Variants in ANAPC4 observed in about 807,000 individuals in gnomAD.
ANAPC4 encodes the protein anaphase-promoting complex subunit 4.
A neutral mutation model predicts 119.8 loss-of-function variants in ANAPC4; 63 were observed. That is an observed-to-expected ratio of 0.53 (90% CI 0.43 to 0.65). The LOEUF (loss-of-function observed/expected upper bound fraction) is 0.65, where lower values mean the gene tolerates loss of function less well. ANAPC4 is among the 30% of genes least tolerant of loss of function. The pLI is 0.00. For synonymous variants in ANAPC4, 283 were observed against 318.6 expected (o/e 0.89, Z 1.19); for missense variants, 716 against 945.1 (o/e 0.76, Z 3.18).
At chr4:25,381,670 T>C (rs1297091256) in intron 3 of ANAPC4, among the ~76,000 whole-genome samples, 2 of 151,808 alleles carry the variant, frequency 1.3e-5, no homozygotes, top group Non-Finnish European at 2.9e-5. Context: ...ATTCCCTAGG[T>C]GGGGCATGGT....
Position 25,380,472 on chromosome 4 carries a change from T to C in ANAPC4, c.228T>C (p.Asp76=). The change falls in exon 3 of 29, where the codon GAT becomes GAC. Residue 76 remains aspartate (D), a synonymous_variant. Coordinates refer to ENST00000315368, the MANE Select transcript of ANAPC4 (RefSeq NM_013367.3). ...KEVTCLAWRP[D]GKLLAFALAD... ...TGACGTGTCTGGCATGGAGACCAGA[T>C]GGCAAACGTAATGATAATATTACAA... 1 of 1,606,150 alleles carries C rather than the reference T, an allele frequency of 6.2e-7. No homozygotes were observed. Among genetic ancestry groups the C allele is most frequent in the South Asian group, 1.1e-5 (1 of 89,684 alleles).
intron 20 of ANAPC4, among the ~76,000 whole-genome samples, chr4:25,408,079 C>T (rs1365368020): frequency 6.6e-6 from 1 of 152,166 alleles, no homozygotes; most frequent in Admixed American, 6.5e-5. Flanking sequence ...TCTGCTGCTA[C>T]ATTCAGTCTG....
At chr4:25,415,803 G>A (rs1723838002) in intron 26 of ANAPC4, 1 of 326,056 alleles carries the variant, frequency 3.1e-6, no homozygotes, top group Non-Finnish European at 5.5e-6. Context: ...AGAAAGTAAT[G>A]TGGTTCCCAT....
At chr4:25,411,922 C>T (rs1001293412) in intron 21 of ANAPC4, among the ~76,000 whole-genome samples, 2 of 152,112 alleles carry the variant, frequency 1.3e-5, no homozygotes, top group Admixed American at 6.5e-5. Flanking sequence ...AGATAGTTAG[C>T]GCAGACCTCA....
intron 7 of ANAPC4, among the ~76,000 whole-genome samples, chr4:25,389,114 C>T (rs1432963563): frequency 1.3e-5 from 2 of 151,736 alleles, no homozygotes; most frequent in East Asian, 3.9e-4. Flanking sequence ...TCTCAGCCTC[C>T]TCCGAGTAGC....
At chr4:25,408,170 ATATTC>A (rs949591969) in intron 20 of ANAPC4, among the ~76,000 whole-genome samples, 1 of 152,196 alleles carries the variant, frequency 6.6e-6, no homozygotes, top group African/African-American at 2.4e-5. Flanking sequence ...AAAGGGAGAA[ATATTC>A]TATTAGCTTT....
In ANAPC4 at chr4:25,377,339, T is replaced by G; in HGVS notation, c.-16T>G. 1 of 1,550,142 alleles carries G rather than the reference T, an allele frequency of 6.5e-7. No individual in the cohort carries two copies. The highest frequency in any genetic ancestry group is 1.2e-5 in the South Asian group (1 of 83,042). On this transcript the variant is annotated 5_prime_UTR_variant, in exon 1 of 29. Transcript: ENST00000315368. ...CGTGTTAGTCTGCCGGTGGGGACTC[T>G]TGCAGGTACAGGCGCGGTCGGGGCT...
chr4:25,391,324 G>T (rs1393703280), intron 9 of ANAPC4, among the ~76,000 whole-genome samples: 3 of 152,130 alleles, frequency 2.0e-5, no homozygotes, highest in Admixed American at 6.5e-5. Context: ...AATAACAAAG[G>T]TTAATATTTA....
In ANAPC4 at chr4:25,403,026, G is replaced by A; in HGVS notation, c.1270G>A (p.Ala424Thr). ...FKAFFRWLYV[A>T]MLRMTEDHVL... Reference sequence around the variant, plus strand: ...AGCATTTTTTCGGTGGCTTTATGTGGGTAAGTTAATTGAGTGAAGCATTTT... The same window carrying A: ...AGCATTTTTTCGGTGGCTTTATGTGAGTAAGTTAATTGAGTGAAGCATTTT... The change falls in exon 17 of 29, where the codon GCA becomes ACA. Residue 424 changes from alanine (A) to threonine (T), a missense_variant and splice_region_variant. Transcript: ENST00000315368. 6.3e-7 allele frequency: 1 copy of A among 1,597,686 alleles called. No individual in the cohort carries two copies. Among genetic ancestry groups the A allele is most frequent in the Non-Finnish European group, 8.6e-7 (1 of 1,169,202 alleles).
chr4:25,403,048 TTTTTA>T (rs769060331), intron 17 of ANAPC4, 22 bp downstream of exon 17: 4 of 1,577,260 alleles, frequency 2.5e-6, no homozygotes, highest in South Asian at 2.3e-5. Flanking sequence ...GAGTGAAGCA[TTTTTA>T]TTTTAACACT....
intron 11 of ANAPC4, 145 bp downstream of exon 11, chr4:25,394,036 G>T: frequency 1.3e-6 from 1 of 746,078 alleles, no homozygotes; most frequent in South Asian, 2.2e-5. Flanking sequence ...ACTTCAAACT[G>T]CTTCCTCAGA....
chr4:25,380,426 A>G lies in ANAPC4; in HGVS notation c.182A>G (p.Asn61Ser), dbSNP rs540483057. 6.2e-7 allele frequency: 1 copy of G among 1,613,512 alleles called. No homozygotes were observed. The highest frequency in any genetic ancestry group is 1.1e-5 in the South Asian group (1 of 90,952). Residue 61 changes from asparagine (N) to serine (S), a missense_variant, in exon 3 of 29, where the codon AAT (asparagine) becomes AGT (serine). Around this residue, in one of 3 missense-constraint regions of ANAPC4, gnomAD observed 202 missense variants for 293.5 expected, o/e 0.69. Coordinates refer to ENST00000315368, the MANE Select transcript of ANAPC4 (RefSeq NM_013367.3). Reference sequence around the variant, plus strand: ...CATCGAGTTTGGAGTTTTCCACCAAATGAAAATACAGGAAAGGAGGTGACG... The same window carrying G: ...CATCGAGTTTGGAGTTTTCCACCAAGTGAAAATACAGGAAAGGAGGTGACG... Reference protein sequence around the residue: ...SFHRVWSFPPNENTGKEVTCL... With the variant: ...SFHRVWSFPPSENTGKEVTCL...
intron 7 of ANAPC4, 36 bp from the exon 8 acceptor site, chr4:25,390,100 G>A (rs764282053): frequency 1.4e-6 from 2 of 1,399,494 alleles, no homozygotes; most frequent in Non-Finnish European, 2.0e-6. Context: ...CTGTGTTGTT[G>A]ATTGGTTCTC....
intron 20 of ANAPC4, among the ~76,000 whole-genome samples, chr4:25,408,523 C>T (rs1425740032): frequency 2.1e-5 from 2 of 93,550 alleles, no homozygotes; most frequent in Non-Finnish European, 5.5e-5. Context: ...GCAGGTTTTC[C>T]AAAAAAAAAA....
At chr4:25,413,819 C>G in intron 22 of ANAPC4, 77 bp downstream of exon 22, 1 of 1,134,110 alleles carries the variant, frequency 8.8e-7, no homozygotes, top group South Asian at 1.5e-5. Flanking sequence ...TGTAAATGAT[C>G]TTAATTTTTA....
In ANAPC4 at chr4:25,416,683, G is replaced by C. The variant is rs546680066; in HGVS notation, c.2075+85G>C. 2.7e-6 allele frequency: 3 copies of C among 1,127,698 alleles called. No individual in the cohort carries two copies. The East Asian group carries it at 8.1e-5, about 30-fold the overall frequency. The allele number at this position is 1,127,698 out of a possible 1,614,324, so 69.9% of individuals were successfully genotyped here. A position where few individuals can be genotyped will look rare whatever the true frequency, so the allele number is the denominator to read the frequency against. The stretch of plus-strand genomic sequence containing the variant: ...AAATTCCAACCTTTTAGGTACGCTA[G>C]ATAATGGTTATTTCGTTACTAGAGA... On this transcript the variant is annotated intron_variant, in intron 27 of 28. Coordinates refer to ENST00000315368, the MANE Select transcript of ANAPC4 (RefSeq NM_013367.3).
At chr4:25,411,460 T>C (rs567004751) in intron 21 of ANAPC4, among the ~76,000 whole-genome samples, 203 of 152,314 alleles carry the variant, frequency 1.3e-3, no homozygotes, top group African/African-American at 4.7e-3. Context: ...TGAGGAAATA[T>C]CAGTGAAACT....
At chr4:25,390,272 C>G (rs373309639) in intron 8 of ANAPC4, 52 bp downstream of exon 8, 1 of 1,323,770 alleles carries the variant, frequency 7.6e-7, no homozygotes, top group Non-Finnish European at 1.1e-6. Context: ...TTAGAATATA[C>G]TAGGTACTTA....
At chr4:25,401,933 C>T (rs956983517) in intron 16 of ANAPC4, among the ~76,000 whole-genome samples, 6 of 152,080 alleles carry the variant, frequency 3.9e-5, no homozygotes, top group African/African-American at 9.7e-5. Flanking sequence ...TAAAATACTA[C>T]GCTTTCTATG....
Sources: allele counts gnomAD v4.1 joint callset (sites outside exome capture counted in the v4.1 genomes callset), GRCh38; gene constraint gnomAD v4.1.1; regional missense constraint gnomAD v4.1.1; transcripts MANE v1.5; gene names NCBI Gene and HGNC (gene_info 2026-07-23, HGNC 2026-07-21).